The following CECR2 variants were observed in gnomAD, a reference collection of about 807,000 sequenced individuals.
CECR2 encodes chromatin remodeling regulator CECR2.
A neutral mutation model predicts 154.5 loss-of-function variants in CECR2; 30 were observed. The observed-to-expected ratio is 0.19, with a 90% CI of 0.15 to 0.26. The LOEUF (loss-of-function observed/expected upper bound fraction) is 0.26, where lower values mean the gene tolerates loss of function less well. Among genes scored for constraint, CECR2 ranks in the 10% least tolerant of loss-of-function variants. The pLI, the probability that CECR2 is intolerant of heterozygous loss-of-function variation, is 1.00. For missense variants in CECR2, 1,743 were observed against 1,829.3 expected, an observed-to-expected ratio of 0.95 and a Z score of 0.86; for synonymous variants, 725 against 683.7, an observed-to-expected ratio of 1.06 and a Z score of -0.94.
chr22:17,413,843 A>AT lies in CECR2; in HGVS notation c.126+43949dup, dbSNP rs746692624. 4.6e-4 allele frequency among the ~76,000 whole-genome samples: 66 copies of AT among 142,850 alleles called. 1 individual carries two copies. In the East Asian group the frequency reaches 4.9e-3, roughly 11 times the overall value. The allele number at this position is 142,850 out of a possible 152,430, so 93.7% of individuals were successfully genotyped here. On this transcript the variant is annotated intron_variant, in intron 1 of 18. Transcript: ENST00000262608. ...AAGTGCCTGCCACCACGGCCGGCTA[A>AT]TTTTTTTTTTTTTTTAGTAGAGACA...
intron 7 of CECR2, among the ~76,000 whole-genome samples, chr22:17,510,850 T>C (rs908412794): frequency 4.6e-5 from 7 of 152,100 alleles, no homozygotes; most frequent in East Asian, 1.9e-4. Flanking sequence ...CGTGATCCGC[T>C]CACCTCGGCC....
At chr22:17,492,190 T>C (rs1041928479) in intron 2 of CECR2, among the ~76,000 whole-genome samples, 1 of 152,210 alleles carries the variant, frequency 6.6e-6, no homozygotes, top group South Asian at 2.1e-4. Context: ...AATGGGAGAA[T>C]GCAATTTGAT....
At chr22:17,389,968 A>G (rs1489622295) in intron 1 of CECR2, among the ~76,000 whole-genome samples, 1 of 152,218 alleles carries the variant, frequency 6.6e-6, no homozygotes, top group East Asian at 1.9e-4. Context: ...TATTAAAATC[A>G]GGAACTTAAT....
chr22:17,501,322 A>G (rs922561940), intron 5 of CECR2, among the ~76,000 whole-genome samples: 2 of 152,142 alleles, frequency 1.3e-5, no homozygotes, highest in African/African-American at 4.8e-5. Context: ...TTTCTGGGAA[A>G]TCAGATTAAG....
At position 17,471,873 on chromosome 22, in the gene CECR2, C is replaced by T. The variant is rs555384310; in HGVS notation, c.127-5715C>T. Reference sequence around the variant, plus strand: ...TTATGGGAGAAGACTCATGGAACTTCTTCTTAGCCTTTTTTAACTTCTGGA... The same window carrying T: ...TTATGGGAGAAGACTCATGGAACTTTTTCTTAGCCTTTTTTAACTTCTGGA... On this transcript the variant is annotated intron_variant, in intron 1 of 18. Transcript: ENST00000262608. Among the ~76,000 whole-genome samples, 8 of 152,276 alleles carry T rather than the reference C, an allele frequency of 5.3e-5. No individual in the cohort carries two copies. The South Asian group carries it at 1.7e-3, about 32-fold the overall frequency.
chr22:17,491,132 C>T (rs1387205799), intron 2 of CECR2, among the ~76,000 whole-genome samples: 1 of 152,172 alleles, frequency 6.6e-6, no homozygotes, highest in African/African-American at 2.4e-5. Flanking sequence ...GGTATGTACG[C>T]AGATTTTAGC....
intron 16 of CECR2, among the ~76,000 whole-genome samples, chr22:17,545,236 G>A (rs976370888): frequency 1.3e-5 from 2 of 151,296 alleles, no homozygotes; most frequent in Admixed American, 1.3e-4. Context: ...TTAGCCGGAC[G>A]TGATGGTAGA....
chr22:17,504,756 G>A lies in CECR2; in HGVS notation c.701-91G>A, dbSNP rs533811376. Reference sequence around the variant, plus strand: ...GCGCCCGGCCGAGTTCCTTATTTTAGTCATGACCCACAGTAGAAACAAAAT... The same window carrying A: ...GCGCCCGGCCGAGTTCCTTATTTTAATCATGACCCACAGTAGAAACAAAAT... On this transcript the variant is annotated intron_variant, in intron 6 of 18. Coordinates refer to ENST00000262608, the MANE Select transcript of CECR2 (RefSeq NM_001290047.2). The A allele has an allele frequency of 3.6e-5, 44 of 1,224,010 alleles. No individual in the cohort carries two copies. In the East Asian group the frequency reaches 1.0e-3, roughly 28 times the overall value. 75.8% of individuals were successfully genotyped at this position (1,224,010 alleles called of 1,614,324 possible). A position where few individuals can be genotyped will look rare whatever the true frequency, so the allele number is the denominator to read the frequency against.
chr22:17,550,714 G>A (rs964102997), intron 17 of CECR2, among the ~76,000 whole-genome samples: 5 of 152,120 alleles, frequency 3.3e-5, no homozygotes, highest in East Asian at 3.9e-4. Context: ...AGGCCGAGGC[G>A]GGCAGATCAC....
In CECR2 at chr22:17,542,860, A is replaced by G. The variant is rs758545887; in HGVS notation, c.2717A>G (p.Gln906Arg). Residue 906 changes from glutamine (Q) to arginine (R), a missense_variant, in exon 16 of 19, where the codon CAG becomes CGG. This residue lies in a region of CECR2 where 1,250 missense variants were observed against 1,192.1 expected (regional missense o/e 1.05). Coordinates refer to ENST00000262608, the MANE Select transcript of CECR2 (RefSeq NM_001290047.2). ...CCAGGTGTGCCTTACCACCCCCACC[A>G]GCCTGCACACCCCCGTTTACCTGGC... ...CPPGVPYHPH[Q>R]PAHPRLPGPF... The G allele has an allele frequency of 5.6e-6, 9 of 1,613,462 alleles. No individual in the cohort carries two copies. The highest frequency in any genetic ancestry group is 4.5e-5 in the East Asian group (2 of 44,858).
In CECR2 at chr22:17,506,409, G is replaced by C. The variant is rs559906338; in HGVS notation, c.870+1393G>C. On this transcript the variant is annotated intron_variant, in intron 7 of 18. Coordinates refer to ENST00000262608, the MANE Select transcript of CECR2 (RefSeq NM_001290047.2). ...CCCAAAGTGCTGGGATTACAGGTGT[G>C]AGCCACCACACCTGGCCCCCTCTCT... Among the ~76,000 whole-genome samples, 3 of 152,126 alleles carry C rather than the reference G, an allele frequency of 2.0e-5. No homozygotes were observed. The East Asian group carries it at 5.8e-4, about 29-fold the overall frequency.
chr22:17,538,095 G>C (rs1249638519), intron 10 of CECR2, among the ~76,000 whole-genome samples: 2 of 152,014 alleles, frequency 1.3e-5, no homozygotes, highest in Non-Finnish European at 2.9e-5. Context: ...GCACACACCC[G>C]TAGTCCCAAC....
chr22:17,390,294 T>A (rs766252088), intron 1 of CECR2, among the ~76,000 whole-genome samples: 128 of 152,260 alleles, frequency 8.4e-4, no homozygotes, highest in African/African-American at 2.8e-3. Flanking sequence ...GGGTCATGTG[T>A]TTTTGGCGGG....
intron 10 of CECR2, among the ~76,000 whole-genome samples, chr22:17,538,065 A>G (rs904005298): frequency 2.6e-5 from 4 of 152,044 alleles, no homozygotes; most frequent in African/African-American, 9.7e-5. Flanking sequence ...CCAAAATACA[A>G]AAACTCGCCA....
At chr22:17,496,499 CAA>C (rs1333171401) in intron 2 of CECR2, among the ~76,000 whole-genome samples, 1 of 106,196 alleles carries the variant, frequency 9.4e-6, no homozygotes. Flanking sequence ...GACTCTGTCT[CAA>C]AAAAAAAAAG....
chr22:17,515,896 C>G (rs1487237372), intron 8 of CECR2, among the ~76,000 whole-genome samples: 1 of 151,910 alleles, frequency 6.6e-6, no homozygotes, highest in Non-Finnish European at 1.5e-5. Context: ...AGGATGGTCT[C>G]GATCTCCTGA....
At chr22:17,434,559 C>G (rs1038382508) in intron 1 of CECR2, among the ~76,000 whole-genome samples, 1 of 152,132 alleles carries the variant, frequency 6.6e-6, no homozygotes, top group Non-Finnish European at 1.5e-5. Context: ...ACCCTTTAGG[C>G]TGCTGCCTTA....
At chr22:17,447,037 T>G (rs1240246934) in intron 1 of CECR2, among the ~76,000 whole-genome samples, 3 of 140,514 alleles carry the variant, frequency 2.1e-5, no homozygotes, top group East Asian at 4.6e-4. Flanking sequence ...TACAATCTTT[T>G]TTTTTTTTTT....
intron 16 of CECR2, among the ~76,000 whole-genome samples, chr22:17,547,563 C>T (rs935256710): frequency 6.6e-6 from 1 of 152,116 alleles, no homozygotes; most frequent in Non-Finnish European, 1.5e-5. Context: ...ATGTTGTAGG[C>T]GTCTTGTCTT....
Sources: allele counts gnomAD v4.1 joint callset (sites outside exome capture counted in the v4.1 genomes callset), GRCh38; gene constraint gnomAD v4.1.1; regional missense constraint gnomAD v4.1.1; transcripts MANE v1.5; gene names NCBI Gene and HGNC (gene_info 2026-07-23, HGNC 2026-07-21).